The following NUBPL variants were observed in gnomAD, a reference collection of about 807,000 sequenced individuals.
NUBPL encodes the protein NUBP iron-sulfur cluster assembly factor, mitochondrial.
NUBPL carries 31 observed loss-of-function variants against 45.7 expected under a neutral mutation model. The ratio of observed to expected loss-of-function variants is 0.68; its 90% confidence interval spans 0.51 to 0.92. NUBPL has a LOEUF of 0.92. NUBPL is among the 40% of genes least tolerant of loss of function. The pLI is 0.00. For synonymous variants in NUBPL, 144 were observed against 140.9 expected (o/e 1.02, Z -0.15); for missense variants, 401 against 398.7 (o/e 1.01, Z -0.05).
intron 4 of NUBPL, among the ~76,000 whole-genome samples, chr14:31,640,939 C>T (rs1010288544): frequency 7.3e-6 from 1 of 136,380 alleles, no homozygotes; most frequent in Non-Finnish European, 1.7e-5. Context: ...GGTCTTATTT[C>T]TTTTTGTTTT....
intron 6 of NUBPL, among the ~76,000 whole-genome samples, chr14:31,692,034 TA>T (rs1343647875): frequency 6.6e-6 from 1 of 152,294 alleles, no homozygotes; most frequent in Non-Finnish European, 1.5e-5. Context: ...AGGATATATA[TA>T]TTTTTTTAAA....
intron 8 of NUBPL, among the ~76,000 whole-genome samples, chr14:31,839,211 A>G (rs1009367494): frequency 6.6e-6 from 1 of 152,170 alleles, no homozygotes; most frequent in African/African-American, 2.4e-5. Context: ...TGACATACAT[A>G]CATAAAAGGG....
intron 6 of NUBPL, among the ~76,000 whole-genome samples, chr14:31,760,864 G>C (rs2038792627): frequency 6.8e-6 from 1 of 148,026 alleles, no homozygotes; most frequent in Non-Finnish European, 1.5e-5. Context: ...TTAGAGCTAG[G>C]GTCTTACTCT....
At chr14:31,673,271 A>T (rs937775777) in intron 4 of NUBPL, 84 bp from the exon 5 acceptor site, 91 of 1,231,568 alleles carry the variant, frequency 7.4e-5, no homozygotes, top group Non-Finnish European at 9.4e-5. Flanking sequence ...AAAAATTTTT[A>T]AAAAGATGAA....
chr14:31,643,945 A>G (rs1037661419), intron 4 of NUBPL, among the ~76,000 whole-genome samples: 1 of 151,972 alleles, frequency 6.6e-6, no homozygotes, highest in African/African-American at 2.4e-5. Context: ...TGTTTCTTAT[A>G]ATTTTAAATG....
intron 6 of NUBPL, among the ~76,000 whole-genome samples, chr14:31,709,414 T>G (rs113775465): frequency 0.011 from 1,611 of 152,328 alleles, 23 homozygotes; most frequent in African/African-American, 0.037. Context: ...CCCCATGATC[T>G]GAGTCAAGGT....
intron 6 of NUBPL, among the ~76,000 whole-genome samples, chr14:31,767,735 C>T (rs73257217): frequency 1.6e-3 from 238 of 151,688 alleles, no homozygotes; most frequent in African/African-American, 5.3e-3. Context: ...TGCAGGGAGG[C>T]GAAAGCAGGC....
intron 8 of NUBPL, among the ~76,000 whole-genome samples, chr14:31,840,237 A>G (rs958014840): frequency 3.9e-5 from 6 of 152,176 alleles, no homozygotes; most frequent in Admixed American, 2.0e-4. Context: ...GTGTACACAC[A>G]CACACATAGA....
rs116203960 is a variant in NUBPL, at chr14:31,775,584, C to T, written c.514-12196C>T. On this transcript the variant is annotated intron_variant, in intron 6 of 10. Transcript: ENST00000281081. Reference sequence around the variant, plus strand: ...TGCGCCTGATCTGTACCTCATCCTACCCTTCTCAGCTGTCTTGGCCACTTG... The same window carrying T: ...TGCGCCTGATCTGTACCTCATCCTATCCTTCTCAGCTGTCTTGGCCACTTG... Among the ~76,000 whole-genome samples the T allele has an allele frequency of 6.5e-3, 991 of 152,290 alleles. 11 individuals carry two copies. Among genetic ancestry groups the T allele is most frequent in the African/African-American group, 0.022 (928 of 41,562 alleles).
intron 7 of NUBPL, among the ~76,000 whole-genome samples, chr14:31,807,067 T>C (rs1177515845): frequency 4.6e-5 from 7 of 152,344 alleles, no homozygotes; most frequent in Admixed American, 1.3e-4. Flanking sequence ...TTGTGAATAG[T>C]GCCACAATAA....
rs186160623 is a variant in NUBPL, at chr14:31,686,465, T to C, written c.513+12891T>C. 2.0e-4 allele frequency among the ~76,000 whole-genome samples: 30 copies of C among 152,260 alleles called. No individual in the cohort carries two copies. The South Asian group carries it at 6.0e-3, about 31-fold the overall frequency. The stretch of plus-strand genomic sequence containing the variant: ...GTTCAGAGGAGGGATATTAGAAACT[T>C]AGGCTTTTCTAAAAAATAAAAGAAT... On this transcript the variant is annotated intron_variant, in intron 6 of 10. Transcript: ENST00000281081.
chr14:31,591,612 G>A (rs988856967), intron 3 of NUBPL, among the ~76,000 whole-genome samples: 1 of 152,040 alleles, frequency 6.6e-6, no homozygotes, highest in Non-Finnish European at 1.5e-5. Flanking sequence ...GGAATAGACT[G>A]CAAAGAAATT....
At chr14:31,839,465 A>C (rs1401562986) in intron 8 of NUBPL, among the ~76,000 whole-genome samples, 1 of 152,236 alleles carries the variant, frequency 6.6e-6, no homozygotes, top group Non-Finnish European at 1.5e-5. Flanking sequence ...AAATCAACCC[A>C]AAATGAAGTA....
chr14:31,640,543 A>AGGT (rs1555322335), intron 4 of NUBPL, among the ~76,000 whole-genome samples: 1 of 147,456 alleles, frequency 6.8e-6, no homozygotes, highest in African/African-American at 2.5e-5. Flanking sequence ...TGAACCTGGG[A>AGGT]GGTGGAGGTT....
chr14:31,841,917 C>CTTTTGTTTTTTTT lies in NUBPL; in HGVS notation c.694-4550_694-4549insGTTTTTTTTTTTT. Among the ~76,000 whole-genome samples, 152 of 43,038 alleles carry CTTTTGTTTTTTTT rather than the reference C, an allele frequency of 3.5e-3. 12 individuals carry two copies. Among genetic ancestry groups the CTTTTGTTTTTTTT allele is most frequent in the Middle Eastern group, 0.021 (1 of 48 alleles). The allele number at this position is 43,038 out of a possible 152,430, so 28.2% of individuals were successfully genotyped here. On this transcript the variant is annotated intron_variant, in intron 8 of 10. Transcript: ENST00000281081. Reference sequence around the variant, plus strand: ...CTTTCATGTATGGGTCGATTCTGGGCTTTTTTTTTTTTTTTTTTTTTTTTT... The same window carrying CTTTTGTTTTTTTT: ...CTTTCATGTATGGGTCGATTCTGGGCTTTTGTTTTTTTTTTTTTTTTTTTTTTTTTTTTTTTTT...
At chr14:31,815,461 T>C (rs1447009316) in intron 7 of NUBPL, among the ~76,000 whole-genome samples, 2 of 152,184 alleles carry the variant, frequency 1.3e-5, no homozygotes, top group South Asian at 2.1e-4. Flanking sequence ...TTTCTAAATA[T>C]ATAATCATGT....
intron 4 of NUBPL, among the ~76,000 whole-genome samples, chr14:31,609,677 A>G (rs2139595243): frequency 6.6e-6 from 1 of 152,328 alleles, no homozygotes; most frequent in Non-Finnish European, 1.5e-5. Context: ...TTAGGTCACA[A>G]AACAAGTCTT....
At position 31,859,417 on chromosome 14, in the gene NUBPL, G is replaced by T. The variant is rs1566603021; in HGVS notation, c.*237G>T. 5 of 527,218 alleles carry T rather than the reference G, an allele frequency of 9.5e-6. No individual in the cohort carries two copies. In the East Asian group the frequency reaches 1.7e-4, roughly 18 times the overall value. 32.7% of individuals were successfully genotyped at this position (527,218 alleles called of 1,614,324 possible). On this transcript the variant is annotated 3_prime_UTR_variant, in exon 11 of 11. Transcript: ENST00000281081. ...TGGTGTGTACCACCTGCAAAGAACT[G>T]CATTTTATTTTATTGAATTACCCCT...
At chr14:31,844,163 TG>T (rs1304922527) in intron 8 of NUBPL, 3 of 152,254 alleles carry the variant, frequency 2.0e-5, no homozygotes, top group African/African-American at 7.2e-5. Flanking sequence ...AATACACACT[TG>T]TTCTATGCCT....
Sources: gnomAD v4.1 joint callset for allele counts (sites outside exome capture counted in the v4.1 genomes callset) on GRCh38, gnomAD v4.1.1 for gene constraint, MANE v1.5 for transcripts, NCBI Gene and HGNC (gene_info 2026-07-23, HGNC 2026-07-21) for gene names.